CACNA1A: variants seen among roughly 807,000 people sequenced by gnomAD.
The protein encoded by CACNA1A is voltage-dependent P/Q-type calcium channel subunit alpha-1A.
Under a neutral mutation model 262.4 loss-of-function variants are expected in CACNA1A, and 57 were observed. The observed-to-expected ratio is 0.22, with a 90% CI of 0.18 to 0.27. The LOEUF is 0.27. CACNA1A is among the 10% of genes least tolerant of loss of function. The probability of loss-of-function intolerance (pLI) is 1.00; values close to 1 mark genes in which losing one functional copy is unlikely to be tolerated. For missense variants in CACNA1A, 2,526 were observed against 3,562.8 expected (o/e 0.71, Z 7.41); for synonymous variants, 1,431 against 1,419.3 (o/e 1.01, Z -0.18).
chr19:13,462,862 C>T (rs150159836), intron 1 of CACNA1A, among the ~76,000 whole-genome samples: 15 of 152,268 alleles, frequency 9.9e-5, no homozygotes, highest in Non-Finnish European at 1.8e-4. Flanking sequence ...CAGGCTCAAG[C>T]GATCCACCCA....
chr19:13,284,528 G>A (rs78976793), intron 21 of CACNA1A: 17,588 of 152,186 alleles, frequency 0.12, 1,215 homozygotes, highest in East Asian at 0.21. Context: ...GAGCCACTAC[G>A]ACATTCATGG....
intron 1 of CACNA1A, among the ~76,000 whole-genome samples, chr19:13,498,578 C>T (rs186567086): frequency 1.3e-5 from 2 of 152,174 alleles, no homozygotes; most frequent in South Asian, 2.1e-4. Flanking sequence ...CCAGTCTGAA[C>T]GGCAGATAAA....
Position 13,298,585 on chromosome 19 carries a change from G to C in CACNA1A, c.3048C>G (p.Asp1016Glu), listed in dbSNP as rs773821155. ...RHGAPATYEG[D>E]ARREDKERRH... ...TCCGCTCCTTGTCCTCCCTCCGCGC[G>C]TCCCCCTCGTACGTGGCTGGAGCGC... The change falls in exon 19 of 47, where the codon GAC (aspartate) becomes GAG (glutamate). Residue 1016 changes from aspartate to glutamate, a missense_variant. Asp to Glu is a conservative substitution (Grantham distance 45, BLOSUM62 2). Transcript: ENST00000360228. The C allele has an allele frequency of 2.4e-5, 37 of 1,541,974 alleles. No homozygotes were observed. In the South Asian group the frequency reaches 4.1e-4, roughly 17 times the overall value.
At chr19:13,417,850 A>G (rs2144769977) in intron 3 of CACNA1A, among the ~76,000 whole-genome samples, 1 of 147,022 alleles carries the variant, frequency 6.8e-6, no homozygotes, top group Non-Finnish European at 1.5e-5. Flanking sequence ...AGATTGCACT[A>G]CTGCACTCCA....
chr19:13,228,241 C>G (rs905733685), intron 36 of CACNA1A, among the ~76,000 whole-genome samples: 1 of 150,950 alleles, frequency 6.6e-6, no homozygotes, highest in African/African-American at 2.4e-5. Flanking sequence ...GTCACGTTCT[C>G]TGGTTTGGCT....
chr19:13,314,848 T>C (rs7246035), intron 11 of CACNA1A, among the ~76,000 whole-genome samples: 44,485 of 151,968 alleles, frequency 0.29, 7,076 homozygotes, highest in East Asian at 0.46. Context: ...GAGATCTTAG[T>C]GTCTGAGGGG....
At chr19:13,339,766 C>T (rs1437467995) in intron 6 of CACNA1A, among the ~76,000 whole-genome samples, 1 of 148,332 alleles carries the variant, frequency 6.7e-6, no homozygotes, top group African/African-American at 2.6e-5. Context: ...GTGTGTTTTG[C>T]CATGGATTAA....
intron 1 of CACNA1A, among the ~76,000 whole-genome samples, chr19:13,464,543 ATT>A (rs540418372): frequency 0.22 from 28,047 of 128,300 alleles, 3,073 homozygotes; most frequent in Middle Eastern, 0.33. Flanking sequence ...AACTTTTCCA[ATT>A]TTTTTTTTTT....
Position 13,308,693 on chromosome 19 carries a change from T to C in CACNA1A, c.1669-165A>G, listed in dbSNP as rs1315110046. 13 of 555,646 alleles carry C rather than the reference T, an allele frequency of 2.3e-5. No individual in the cohort carries two copies. In the South Asian group the frequency reaches 3.1e-4, roughly 13 times the overall value. The allele number at this position is 555,646 out of a possible 1,614,324, so 34.4% of individuals were successfully genotyped here. On this transcript the variant is annotated intron_variant, in intron 12 of 46. Coordinates refer to ENST00000360228, the MANE Select transcript of CACNA1A (RefSeq NM_001127222.2). The surrounding 1 kb of genome is among the most constrained non-coding windows in gnomAD (Gnocchi z 4.2). ...CCTCATTCATCCATTCATTTATCTA[T>C]AGAGACCGGGTCTCACTGTGTCACC...
At chr19:13,281,860 C>A (rs530704681) in intron 22 of CACNA1A, among the ~76,000 whole-genome samples, 1 of 152,282 alleles carries the variant, frequency 6.6e-6, no homozygotes, top group Admixed American at 6.5e-5. Context: ...GTCCCTGGGG[C>A]CTGGTCTGAG....
intron 19 of CACNA1A, among the ~76,000 whole-genome samples, chr19:13,293,571 C>T (rs2057593556): frequency 6.6e-6 from 1 of 150,622 alleles, no homozygotes; most frequent in Non-Finnish European, 1.5e-5. Context: ...CTCAGCCTCC[C>T]GAGTAGCTGG....
In CACNA1A at chr19:13,209,402, C is replaced by T. The variant is rs371984902; in HGVS notation, c.6436G>A (p.Glu2146Lys). Residue 2146 changes from glutamate to lysine, a missense_variant, in exon 45 of 47, where the codon GAG becomes AAG. Transcript: ENST00000360228. ...CGCTGGTGGTGCCGCTGGTTCTCCTCGGGCGGGACCCGCTCCAGCGAGTAA... is the reference window on the plus strand; with the variant it reads ...CGCTGGTGGTGCCGCTGGTTCTCCTTGGGCGGGACCCGCTCCAGCGAGTAA... ...DDYSLERVPP[E>K]ENQRHHQRRR... The T allele has an allele frequency of 2.0e-5, 28 of 1,396,062 alleles. No individual in the cohort carries two copies. The highest frequency in any genetic ancestry group is 2.3e-5 in the Non-Finnish European group (25 of 1,071,410). 86.5% of individuals were successfully genotyped at this position (1,396,062 alleles called of 1,614,324 possible). A position where few individuals can be genotyped will look rare whatever the true frequency, so the allele number is the denominator to read the frequency against.
In CACNA1A at chr19:13,230,288, A is replaced by G. The variant is rs1391604222; in HGVS notation, c.5401-79T>C. The stretch of plus-strand genomic sequence containing the variant: ...ATGAGTGAGTGAGAAGGATACAGAC[A>G]GACAGACGGACAGACAGACCCAAAG... On this transcript the variant is annotated intron_variant, in intron 35 of 46. Transcript: ENST00000360228. The G allele has an allele frequency of 5.3e-6, 8 of 1,517,500 alleles. No homozygotes were observed. The Admixed American group carries it at 1.4e-4, about 27-fold the overall frequency. The allele number at this position is 1,517,500 out of a possible 1,614,324, so 94.0% of individuals were successfully genotyped here.
intron 3 of CACNA1A, among the ~76,000 whole-genome samples, chr19:13,391,546 G>A (rs1320531145): frequency 1.3e-5 from 2 of 152,128 alleles, no homozygotes; most frequent in African/African-American, 4.8e-5. Context: ...AGGTGGTGAG[G>A]TAAGTGATTC....
At chr19:13,384,226 A>C (rs575742721) in intron 3 of CACNA1A, among the ~76,000 whole-genome samples, 50 of 152,256 alleles carry the variant, frequency 3.3e-4, no homozygotes, top group African/African-American at 1.2e-3. Flanking sequence ...TGAGTACTCA[A>C]TAAATATTGT....
chr19:13,500,649 A>G (rs1982268821), intron 1 of CACNA1A, among the ~76,000 whole-genome samples: 1 of 152,188 alleles, frequency 6.6e-6, no homozygotes, highest in East Asian at 1.9e-4. Flanking sequence ...AATTAAACAT[A>G]CACCTACCAC....
At position 13,303,785 on chromosome 19, in the gene CACNA1A, G is replaced by A; in HGVS notation, c.2086C>T (p.Leu696=). The change falls in exon 16 of 47, where the codon CTG becomes TTG. Residue 696 remains leucine (L), a synonymous_variant. Coordinates refer to ENST00000360228, the MANE Select transcript of CACNA1A (RefSeq NM_001127222.2). The stretch of plus-strand genomic sequence containing the variant: ...AGGATACAGTTCCCAAAGAGCGTCA[G>A]TACAATGAAATAGATGGAGAACACC... ...GMVFSIYFIV[L]TLFGNYTLLN... is the part of the protein sequence containing the mutation. 6.2e-7 allele frequency: 1 copy of A among 1,611,570 alleles called. No homozygotes were observed.
intron 3 of CACNA1A, among the ~76,000 whole-genome samples, chr19:13,376,813 ATGTGTGATATATAACACATGT>A (rs2059421488): frequency 1.3e-5 from 1 of 76,678 alleles, no homozygotes; most frequent in Non-Finnish European, 3.2e-5. Flanking sequence ...AATATATGTT[ATGTGTGATATATAACACATGT>A]TATATGTGAT....
In CACNA1A at chr19:13,209,517, C is replaced by T. The variant is rs916904971; in HGVS notation, c.6340-19G>A. ...AGATGGTCTGGGGGAGGGGACAGGC[C>T]GGTGGGCTGGGGTCAGCAGCTAGCA... On this transcript the variant is annotated intron_variant, in intron 44 of 46. Coordinates refer to ENST00000360228, the MANE Select transcript of CACNA1A (RefSeq NM_001127222.2). The T allele has an allele frequency of 2.7e-5, 35 of 1,289,048 alleles. No individual in the cohort carries two copies. The highest frequency in any genetic ancestry group is 1.1e-4 in the African/African-American group (7 of 65,294). 79.9% of individuals were successfully genotyped at this position (1,289,048 alleles called of 1,614,324 possible).
Sources: allele counts gnomAD v4.1 joint callset (sites outside exome capture counted in the v4.1 genomes callset), GRCh38; gene constraint gnomAD v4.1.1; non-coding constraint Gnocchi (gnomAD v3.1); transcripts MANE v1.5; gene names NCBI Gene and HGNC (gene_info 2026-07-23, HGNC 2026-07-21).